The following SDK2 variants were observed in gnomAD, a reference collection of about 807,000 sequenced individuals.
SDK2 encodes the protein sidekick cell adhesion molecule 2, also known as protein sidekick-2.
Under a neutral mutation model 253.9 loss-of-function variants are expected in SDK2, and 105 were observed. The ratio of observed to expected loss-of-function variants is 0.41; its 90% CI spans 0.35 to 0.49. SDK2 has a LOEUF of 0.49. SDK2 is among the 20% of genes least tolerant of loss of function. The pLI, the probability that SDK2 is intolerant of heterozygous loss-of-function variation, is 0.06. For missense variants in SDK2, 2,608 were observed against 3,003.0 expected, an observed-to-expected ratio of 0.87 and a Z score of 3.07; for synonymous variants, 1,249 against 1,234.9, an observed-to-expected ratio of 1.01 and a Z score of -0.24.
chr17:73,536,128 G>A (rs990173553), intron 1 of SDK2, among the ~76,000 whole-genome samples: 5 of 152,154 alleles, frequency 3.3e-5, no homozygotes, highest in Admixed American at 6.5e-5. Context: ...ATCACCCAGA[G>A]GGCTTGTTAG....
intron 37 of SDK2, among the ~76,000 whole-genome samples, chr17:73,366,136 C>T (rs2062683100): frequency 1.3e-5 from 2 of 152,166 alleles, no homozygotes; most frequent in Non-Finnish European, 2.9e-5. Context: ...TGGAGCTAAT[C>T]CGGACCTGCT....
chr17:73,556,142 C>T (rs1379940961), intron 1 of SDK2, among the ~76,000 whole-genome samples: 2 of 152,212 alleles, frequency 1.3e-5, no homozygotes, highest in African/African-American at 4.8e-5. Context: ...GACCATTCCT[C>T]TCCCTCTTAA....
At chr17:73,466,726 C>CT (rs1181201949) in intron 3 of SDK2, among the ~76,000 whole-genome samples, 5 of 143,512 alleles carry the variant, frequency 3.5e-5, no homozygotes, top group African/African-American at 1.1e-4. Context: ...CCCCCCCCCC[C>CT]CGGCTTAGGC....
intron 1 of SDK2, among the ~76,000 whole-genome samples, chr17:73,565,714 C>T (rs1414983380): frequency 6.6e-6 from 1 of 152,232 alleles, no homozygotes; most frequent in Admixed American, 6.5e-5. Flanking sequence ...TGCAGTCTAG[C>T]GGGTGGTGTT....
Position 73,431,785 on chromosome 17 carries a change from G to A in SDK2, c.1313-116C>T. ...ACAGGCCCCTGGCTCTGGAAATGCT[G>A]GAAGGAATGAGGACAGATGGCGGTG... is the stretch of plus-strand genomic sequence containing the variant. On this transcript the variant is annotated intron_variant, in intron 10 of 44. Coordinates refer to ENST00000392650, the MANE Select transcript of SDK2 (RefSeq NM_001144952.2). The surrounding 1 kb of genome is among the most constrained non-coding windows in gnomAD (Gnocchi z 5.6). The A allele has an allele frequency of 1.7e-6, 2 of 1,144,904 alleles. No homozygotes were observed. The highest frequency in any genetic ancestry group is 2.4e-6 in the Non-Finnish European group (2 of 838,478). 70.9% of individuals were successfully genotyped at this position (1,144,904 alleles called of 1,614,324 possible). A position where few individuals can be genotyped will look rare whatever the true frequency, so the allele number is the denominator to read the frequency against.
intron 4 of SDK2, among the ~76,000 whole-genome samples, chr17:73,454,924 A>G (rs2063513663): frequency 6.6e-6 from 1 of 152,154 alleles, no homozygotes; most frequent in Non-Finnish European, 1.5e-5. Flanking sequence ...GGCTGGTCTC[A>G]ACTCCTGACC....
At chr17:73,380,800 C>T (rs960706537) in intron 34 of SDK2, 94 bp downstream of exon 34, 5 of 1,155,544 alleles carry the variant, frequency 4.3e-6, no homozygotes, top group African/African-American at 3.1e-5. Flanking sequence ...GGGCACACCC[C>T]CTCAACCTGT....
chr17:73,586,138 G>A (rs1399027583), intron 1 of SDK2, among the ~76,000 whole-genome samples: 1 of 152,102 alleles, frequency 6.6e-6, no homozygotes, highest in East Asian at 1.9e-4. Flanking sequence ...ACAAAGGGTT[G>A]TGCATAAGGC....
chr17:73,606,613 C>T (rs1025598347), intron 1 of SDK2, among the ~76,000 whole-genome samples: 3 of 152,078 alleles, frequency 2.0e-5, no homozygotes, highest in Non-Finnish European at 4.4e-5. Context: ...GACAAACGTG[C>T]TGTGGCTGGT....
Position 73,431,886 on chromosome 17 carries a change from C to T in SDK2, c.1313-217G>A, listed in dbSNP as rs977923219. 2.0e-5 allele frequency among the ~76,000 whole-genome samples: 3 copies of T among 152,116 alleles called. No individual in the cohort carries two copies. Among genetic ancestry groups the T allele is most frequent in the Admixed American group, 1.3e-4 (2 of 15,286 alleles). On this transcript the variant is annotated intron_variant, in intron 10 of 44. Transcript: ENST00000392650. The surrounding 1 kb of genome is among the most constrained non-coding windows in gnomAD (Gnocchi z 5.6). ...GACACGAGGGCACAGGGTCTCAGAG[C>T]GGGCAGCCTAGAGCCCAGGTCCCCT...
At position 73,643,692 on chromosome 17, in the gene SDK2, G is replaced by C. The variant is rs2030727018; in HGVS notation, c.64+333C>G. 6.6e-6 allele frequency among the ~76,000 whole-genome samples: 1 copy of C among 152,116 alleles called. No individual in the cohort carries two copies. The highest frequency in any genetic ancestry group is 2.1e-4 in the South Asian group (1 of 4,828). On this transcript the variant is annotated intron_variant, in intron 1 of 44. Coordinates refer to ENST00000392650, the MANE Select transcript of SDK2 (RefSeq NM_001144952.2). This position sits in a 1 kb window ranked among gnomAD's most constrained non-coding sequence, Gnocchi z 6.9. ...GTAGCCGAGCGTGGAGCCCGGCACG[G>C]AATGTCGCTCCCCTCCCAAGCCGGC...
intron 1 of SDK2, among the ~76,000 whole-genome samples, chr17:73,556,313 C>T (rs537485580): frequency 2.7e-5 from 4 of 148,974 alleles, no homozygotes; most frequent in Non-Finnish European, 4.4e-5. Context: ...CTTTTACCTT[C>T]GGAGTTTGGG....
intron 3 of SDK2, among the ~76,000 whole-genome samples, chr17:73,462,698 C>T (rs1024758538): frequency 2.6e-5 from 4 of 152,170 alleles, no homozygotes; most frequent in Middle Eastern, 3.4e-3. Flanking sequence ...TATGCATACA[C>T]GTAAGTTTAT....
intron 10 of SDK2, among the ~76,000 whole-genome samples, chr17:73,432,433 A>AACTGAGTG (rs1359834884): frequency 1.3e-5 from 2 of 152,092 alleles, no homozygotes; most frequent in African/African-American, 4.8e-5. Flanking sequence ...AGGCACAGTG[A>AACTGAGTG]ACTGAGTGTG....
intron 1 of SDK2, among the ~76,000 whole-genome samples, chr17:73,565,909 C>T (rs1005361800): frequency 7.9e-5 from 12 of 152,180 alleles, no homozygotes; most frequent in African/African-American, 2.4e-4. Flanking sequence ...CTGCAAGCTC[C>T]GCCTCCCAGG....
chr17:73,381,394 C>A (rs1160033853), intron 33 of SDK2, among the ~76,000 whole-genome samples: 4 of 151,456 alleles, frequency 2.6e-5, no homozygotes, highest in African/African-American at 9.7e-5. Context: ...TATAAAATCA[C>A]AACCACAAGC....
intron 1 of SDK2, among the ~76,000 whole-genome samples, chr17:73,628,104 G>A (rs1333820423): frequency 1.3e-5 from 2 of 152,256 alleles, no homozygotes; most frequent in Non-Finnish European, 2.9e-5. Context: ...TAACAGATGA[G>A]GAAACTGAGG....
chr17:73,402,269 A>G, intron 18 of SDK2, 128 bp from the exon 19 acceptor site: 1 of 979,530 alleles, frequency 1.0e-6, no homozygotes, highest in Non-Finnish European at 1.5e-6. Context: ...GCCTCCTCCG[A>G]GGGAAGGGAC....
intron 36 of SDK2, among the ~76,000 whole-genome samples, chr17:73,378,840 T>C (rs1267665264): frequency 2.0e-5 from 3 of 152,044 alleles, no homozygotes; most frequent in Non-Finnish European, 4.4e-5. Flanking sequence ...GGTCTTAAGT[T>C]ATGTATGGGG....
Sources: allele counts gnomAD v4.1 joint callset (sites outside exome capture counted in the v4.1 genomes callset), GRCh38; gene constraint gnomAD v4.1.1; non-coding constraint Gnocchi (gnomAD v3.1); transcripts MANE v1.5; gene names NCBI Gene and HGNC (gene_info 2026-07-23, HGNC 2026-07-21).